NFIA: variants seen among roughly 807,000 people sequenced by gnomAD.
The protein encoded by NFIA is nuclear factor I A, also known as nuclear factor 1 A-type.
A neutral mutation model predicts 62.8 loss-of-function variants in NFIA; 8 were observed. The observed-to-expected ratio is 0.13, with a 90% CI of 0.07 to 0.23. NFIA has a LOEUF of 0.23. Among genes scored for constraint, NFIA ranks in the 10% least tolerant of loss-of-function variants. NFIA has a pLI of 1.00. For missense variants in NFIA, 410 were observed against 642.1 expected (o/e 0.64, Z 3.91); for synonymous variants, 235 against 238.1 (o/e 0.99, Z 0.12).
chr1:61,294,710 A>G (rs1659094006), intron 3 of NFIA, among the ~76,000 whole-genome samples: 1 of 152,200 alleles, frequency 6.6e-6, no homozygotes, highest in African/African-American at 2.4e-5. Context: ...CCCATAGTAC[A>G]TGTTCAATAA....
chr1:61,260,288 A>C (rs1328886814), intron 2 of NFIA, among the ~76,000 whole-genome samples: 2 of 152,222 alleles, frequency 1.3e-5, no homozygotes, highest in East Asian at 3.9e-4. Flanking sequence ...ACGTTCATGC[A>C]GACTTTTCGA....
chr1:61,102,833 T>A (rs17121603), intron 2 of NFIA, among the ~76,000 whole-genome samples: 1 of 152,086 alleles, frequency 6.6e-6, no homozygotes, highest in Non-Finnish European at 1.5e-5. Context: ...AATTGCATAC[T>A]CCTGCTAGGC....
rs145669633 is a variant in NFIA at position 61,397,847 on chromosome 1, G to A, written c.1076-6257G>A. Among the ~76,000 whole-genome samples, 111 of 152,300 alleles carry A rather than the reference G, an allele frequency of 7.3e-4. 1 individual carries two copies. The highest frequency in any genetic ancestry group is 3.4e-3 in the Middle Eastern group (1 of 294). On this transcript the variant is annotated intron_variant, in intron 7 of 10. Coordinates refer to ENST00000403491, the MANE Select transcript of NFIA (RefSeq NM_001134673.4). ...CTTAGAATTATATACGCACACACACGGATGTGGTCAGCCAGCACAGACCAA... is the reference window on the plus strand; with the variant it reads ...CTTAGAATTATATACGCACACACACAGATGTGGTCAGCCAGCACAGACCAA...
Position 61,383,353 on chromosome 1 carries a change from A to G in NFIA, c.1063A>G (p.Thr355Ala). 4 of 1,613,918 alleles carry G rather than the reference A, an allele frequency of 2.5e-6. No homozygotes were observed. Among genetic ancestry groups the G allele is most frequent in the Non-Finnish European group, 3.4e-6 (4 of 1,179,872 alleles). Residue 355 changes from threonine (T) to alanine (A), a missense_variant, in exon 7 of 11, where the codon ACA (threonine) becomes GCA (alanine). By Grantham distance (58) the Thr-to-Ala change is moderately conservative (BLOSUM62 0). Transcript: ENST00000403491. The stretch of plus-strand genomic sequence containing the variant: ...CACACAGCATCACCGACCTGTCATT[A>G]CAGGACCCAGAGGTGAGCTGCTCCA... ...AFTQHHRPVI[T>A]GPRASPHATP... is the part of the protein sequence containing the mutation.
At chr1:61,164,861 A>G (rs892931825) in intron 2 of NFIA, among the ~76,000 whole-genome samples, 17 of 152,186 alleles carry the variant, frequency 1.1e-4, no homozygotes, top group African/African-American at 4.1e-4. Flanking sequence ...CACAGCAGCT[A>G]ACTCAACATG....
At chr1:61,288,692 G>C (rs896357339) in intron 3 of NFIA, among the ~76,000 whole-genome samples, 1 of 152,192 alleles carries the variant, frequency 6.6e-6, no homozygotes, top group Non-Finnish European at 1.5e-5. Flanking sequence ...AAGGGGGACA[G>C]AGCAAGAGTA....
chr1:61,453,259 TGTCTGGTTGCTCTTA>T (rs1265106254), intron 10 of NFIA, among the ~76,000 whole-genome samples: 1 of 152,058 alleles, frequency 6.6e-6, no homozygotes, highest in East Asian at 1.9e-4. Flanking sequence ...CGTCTGGGTC[TGTCTGGTTGCTCTTA>T]GCAACCAGAC....
chr1:61,282,296 G>A (rs1658184175), intron 3 of NFIA, among the ~76,000 whole-genome samples: 1 of 152,014 alleles, frequency 6.6e-6, no homozygotes, highest in South Asian at 2.1e-4. Flanking sequence ...AGCTCTGATT[G>A]GTATCATTTA....
At chr1:61,228,178 G>T (rs932462147) in intron 2 of NFIA, among the ~76,000 whole-genome samples, 4 of 152,036 alleles carry the variant, frequency 2.6e-5, no homozygotes, top group African/African-American at 9.7e-5. Context: ...TTTTTTATTA[G>T]AATTGTCAGT....
chr1:61,407,305 A>G (rs995420070), intron 9 of NFIA, among the ~76,000 whole-genome samples: 2 of 152,154 alleles, frequency 1.3e-5, no homozygotes, highest in African/African-American at 4.8e-5. Flanking sequence ...GGGCTGGGGT[A>G]CGGAGATAGA....
chr1:61,319,286 A>G (rs1450329910), intron 3 of NFIA, among the ~76,000 whole-genome samples: 3 of 152,130 alleles, frequency 2.0e-5, no homozygotes, highest in South Asian at 4.1e-4. Flanking sequence ...TAAAATATAT[A>G]TGAAGCTGGT....
intron 2 of NFIA, among the ~76,000 whole-genome samples, chr1:61,150,069 A>G (rs1047392492): frequency 3.3e-5 from 5 of 152,146 alleles, no homozygotes; most frequent in Admixed American, 6.6e-5. Context: ...CTATGTTCTG[A>G]GTGTTTCAGA....
chr1:61,088,114 T>G lies in NFIA; in HGVS notation c.28-35T>G. Reference sequence around the variant, plus strand: ...AAAAGTTGTTTTCTTTTGTTTTCATTCTACTTATATTTTTCTTTTTGTTCA... The same window carrying G: ...AAAAGTTGTTTTCTTTTGTTTTCATGCTACTTATATTTTTCTTTTTGTTCA... On this transcript the variant is annotated intron_variant, in intron 1 of 10. Transcript: ENST00000403491. This position sits in a 1 kb window ranked among gnomAD's most constrained non-coding sequence, Gnocchi z 4.5. 5 of 1,545,242 alleles carry G rather than the reference T, an allele frequency of 3.2e-6. No homozygotes were observed. Among genetic ancestry groups the G allele is most frequent in the African/African-American group, 1.4e-5 (1 of 72,002 alleles).
intron 2 of NFIA, among the ~76,000 whole-genome samples, chr1:61,270,874 T>C (rs1265710296): frequency 1.3e-5 from 2 of 152,202 alleles, no homozygotes; most frequent in Admixed American, 6.5e-5. Flanking sequence ...GCGCCTCTTA[T>C]GGGGAAAACA....
At chr1:61,283,220 A>G (rs1452413065) in intron 3 of NFIA, among the ~76,000 whole-genome samples, 3 of 152,162 alleles carry the variant, frequency 2.0e-5, no homozygotes, top group Non-Finnish European at 4.4e-5. Flanking sequence ...TATTTAACTC[A>G]TTGAATTTTT....
intron 2 of NFIA, among the ~76,000 whole-genome samples, chr1:61,134,051 A>G (rs1647130889): frequency 6.6e-6 from 1 of 151,608 alleles, no homozygotes; most frequent in African/African-American, 2.4e-5. Flanking sequence ...GCTTGAATCC[A>G]GGAGGCAGAG....
At chr1:61,247,327 C>T (rs1394278912) in intron 2 of NFIA, among the ~76,000 whole-genome samples, 1 of 152,146 alleles carries the variant, frequency 6.6e-6, no homozygotes, top group Non-Finnish European at 1.5e-5. Context: ...TGTTTCATTT[C>T]GTGATATGCA....
chr1:61,419,523 C>G lies in NFIA; in HGVS notation c.1421-6942C>G, dbSNP rs534024595. Among the ~76,000 whole-genome samples the G allele has an allele frequency of 4.5e-4, 69 of 152,294 alleles. 1 individual carries two copies. The highest frequency in any genetic ancestry group is 1.4e-3 in the African/African-American group (57 of 41,564). On this transcript the variant is annotated intron_variant, in intron 9 of 10. Coordinates refer to ENST00000403491, the MANE Select transcript of NFIA (RefSeq NM_001134673.4). ...TGCACAGATTTTGGTAACATAAGGT[C>G]AAAGCGTCTCCAGTTGAAGGGTTAC...
At chr1:61,151,635 G>C (rs934305012) in intron 2 of NFIA, among the ~76,000 whole-genome samples, 1 of 152,140 alleles carries the variant, frequency 6.6e-6, no homozygotes, top group African/African-American at 2.4e-5. Context: ...ATGACACCCT[G>C]AGAAACAGCC....
Sources: allele counts gnomAD v4.1 joint callset (sites outside exome capture counted in the v4.1 genomes callset), GRCh38; gene constraint gnomAD v4.1.1; non-coding constraint Gnocchi (gnomAD v3.1); transcripts MANE v1.5; gene names NCBI Gene and HGNC (gene_info 2026-07-23, HGNC 2026-07-21).